The following BZW2 variants were observed in gnomAD, a reference collection of about 807,000 sequenced individuals.
BZW2 encodes the protein eIF5-mimic protein 1.
A neutral mutation model predicts 53.2 loss-of-function variants in BZW2; 23 were observed. The observed-to-expected ratio is 0.43, with a 90% CI of 0.31 to 0.61. The LOEUF is 0.61. Ranked by LOEUF, BZW2 falls within the 20% of genes least tolerant of loss-of-function variation. BZW2 has a pLI of 0.09. For synonymous variants in BZW2, 227 were observed against 186.4 expected (o/e 1.22, Z -1.77); for missense variants, 409 against 503.1 (o/e 0.81, Z 1.79).
intron 5 of BZW2, 69 bp from the exon 6 acceptor site, chr7:16,685,836 G>T: frequency 6.9e-7 from 1 of 1,459,640 alleles, no homozygotes; most frequent in Admixed American, 2.8e-5. Flanking sequence ...TCAGTCCTTT[G>T]CTTCATAGAC....
intron 8 of BZW2, chr7:16,696,144 A>G (rs1783480285): frequency 6.6e-6 from 1 of 152,192 alleles, no homozygotes; most frequent in Non-Finnish European, 1.5e-5. Context: ...AGGGAGGGAA[A>G]AAAAAGGTGT....
chr7:16,689,976 T>C, intron 7 of BZW2, 70 bp downstream of exon 7: 2 of 1,162,390 alleles, frequency 1.7e-6, no homozygotes, highest in Non-Finnish European at 2.5e-6. Context: ...GCCTGCAATG[T>C]AGTATATGAG....
intron 1 of BZW2, among the ~76,000 whole-genome samples, chr7:16,649,077 C>G (rs1781929540): frequency 6.6e-6 from 1 of 152,068 alleles, no homozygotes; most frequent in Non-Finnish European, 1.5e-5. Flanking sequence ...TCTAGCGACC[C>G]CTCTTTTACC....
chr7:16,654,532 G>A (rs958486323), intron 1 of BZW2, among the ~76,000 whole-genome samples: 5 of 132,812 alleles, frequency 3.8e-5, no homozygotes, highest in Non-Finnish European at 7.8e-5. Context: ...AAAAAAAAAC[G>A]GATGATATTT....
At chr7:16,658,196 G>A (rs558689171) in intron 1 of BZW2, among the ~76,000 whole-genome samples, 1 of 152,260 alleles carries the variant, frequency 6.6e-6, no homozygotes, top group Admixed American at 6.5e-5. Flanking sequence ...TCTTAGAAAA[G>A]TAGAATTGCA....
At chr7:16,653,588 A>G (rs1782041601) in intron 1 of BZW2, among the ~76,000 whole-genome samples, 1 of 152,236 alleles carries the variant, frequency 6.6e-6, no homozygotes, top group African/African-American at 2.4e-5. Context: ...ATATAAAATC[A>G]TCTTTCTCCT....
intron 1 of BZW2, among the ~76,000 whole-genome samples, chr7:16,650,998 G>A (rs924598947): frequency 3.3e-5 from 5 of 152,148 alleles, no homozygotes; most frequent in East Asian, 1.9e-4. Flanking sequence ...TTAGCAATAG[G>A]TGTTTCCATT....
chr7:16,667,040 T>C (rs1210369172), intron 2 of BZW2, among the ~76,000 whole-genome samples: 1 of 151,704 alleles, frequency 6.6e-6, no homozygotes, highest in African/African-American at 2.4e-5. Context: ...CCCAACACTT[T>C]GGGAGGCCGA....
chr7:16,665,304 A>T, intron 1 of BZW2, 133 bp from the exon 2 acceptor site: 2 of 1,098,370 alleles, frequency 1.8e-6, no homozygotes, highest in Non-Finnish European at 2.7e-6. Context: ...ACTCTGTCTC[A>T]ATTGAAAAAA....
intron 3 of BZW2, among the ~76,000 whole-genome samples, chr7:16,676,407 G>T (rs1389750237): frequency 1.3e-5 from 2 of 151,886 alleles, no homozygotes; most frequent in Non-Finnish European, 2.9e-5. Flanking sequence ...AATTAGCTGG[G>T]CATAGTGGTG....
At chr7:16,687,839 A>AAATCTC (rs1297875609) in intron 6 of BZW2, among the ~76,000 whole-genome samples, 2 of 152,206 alleles carry the variant, frequency 1.3e-5, no homozygotes, top group Non-Finnish European at 2.9e-5. Context: ...AAAGAAAGTT[A>AAATCTC]AATCTCAGTT....
At chr7:16,648,009 A>G (rs889125179) in intron 1 of BZW2, among the ~76,000 whole-genome samples, 1 of 152,246 alleles carries the variant, frequency 6.6e-6, no homozygotes, top group African/African-American at 2.4e-5. Flanking sequence ...CTCTCTGAAT[A>G]CATGACCAGT....
chr7:16,679,384 C>G (rs1782870677), intron 3 of BZW2, among the ~76,000 whole-genome samples: 1 of 152,196 alleles, frequency 6.6e-6, no homozygotes, highest in African/African-American at 2.4e-5. Flanking sequence ...CCCTGACTTC[C>G]CGCAACAGTT....
intron 10 of BZW2, among the ~76,000 whole-genome samples, chr7:16,701,787 G>C (rs1459985676): frequency 6.6e-6 from 1 of 152,146 alleles, no homozygotes; most frequent in Non-Finnish European, 1.5e-5. Flanking sequence ...CTGGAAATGA[G>C]ATGAACAAAA....
Position 16,704,598 on chromosome 7 carries a change from T to C in BZW2, c.1160T>C (p.Val387Ala). The C allele has an allele frequency of 6.3e-7, 1 of 1,596,222 alleles. No individual in the cohort carries two copies. Among genetic ancestry groups the C allele is most frequent in the Non-Finnish European group, 8.6e-7 (1 of 1,165,980 alleles). The change falls in exon 11 of 12, where the codon GTT (valine) becomes GCT (alanine). Residue 387 changes from valine to alanine, a missense_variant. This residue lies in a region of BZW2 where 88 missense variants were observed against 114.6 expected (regional missense o/e 0.77). Coordinates refer to ENST00000258761, the MANE Select transcript of BZW2 (RefSeq NM_014038.3). ...AILKWYKEAH[V>A]AKGKSVFLDQ... ...CTGAAATGGTATAAGGAAGCACATG[T>C]TGCTAAAGGCAAAAGTGTTTTTCTT...
rs374718169 is a variant in BZW2 at position 16,705,986 on chromosome 7, G to A, written c.1232-74G>A. On this transcript the variant is annotated intron_variant, in intron 11 of 11. Coordinates refer to ENST00000258761, the MANE Select transcript of BZW2 (RefSeq NM_014038.3). ...TGGTGCAATGGCAGGGTTCTGGGTT[G>A]GTGACTGTAGTAACTTTTGACCTTA... 7.6e-4 allele frequency: 1,180 copies of A among 1,550,086 alleles called. 2 individuals are homozygous for A. The highest frequency in any genetic ancestry group is 1.3e-3 in the Middle Eastern group (8 of 5,930).
intron 1 of BZW2, 112 bp downstream of exon 1, chr7:16,646,400 C>T (rs1269091528): frequency 6.1e-6 from 1 of 163,154 alleles, no homozygotes; most frequent in African/African-American, 2.4e-5. Flanking sequence ...AAGCATGTGC[C>T]TCCTGGGGCG....
chr7:16,686,911 T>G (rs1783144966), intron 6 of BZW2: 1 of 152,212 alleles, frequency 6.6e-6, no homozygotes, highest in Non-Finnish European at 1.5e-5. Flanking sequence ...ACTCTGTAAT[T>G]GTTAGATGTT....
At chr7:16,692,905 A>G (rs1342141717) in intron 7 of BZW2, among the ~76,000 whole-genome samples, 2 of 152,182 alleles carry the variant, frequency 1.3e-5, no homozygotes, top group Admixed American at 1.3e-4. Flanking sequence ...AACTGTTTAA[A>G]TATCTCCACA....
Sources: gnomAD v4.1 joint callset for allele counts (sites outside exome capture counted in the v4.1 genomes callset) on GRCh38, gnomAD v4.1.1 for gene constraint, gnomAD v4.1.1 regional missense constraint, MANE v1.5 for transcripts, NCBI Gene and HGNC (gene_info 2026-07-23, HGNC 2026-07-21) for gene names.